Variants in PPP1R9A observed in about 807,000 individuals in gnomAD.
The protein encoded by PPP1R9A is protein phosphatase 1 regulatory subunit 9A, also known as neurabin-1.
PPP1R9A carries 59 observed loss-of-function variants against 141.9 expected under a neutral mutation model. The ratio of observed to expected loss-of-function variants is 0.42; its 90% CI spans 0.34 to 0.52. The LOEUF is 0.52. Ranked by LOEUF, PPP1R9A falls within the 20% of genes least tolerant of loss-of-function variation. The pLI is 0.10. For synonymous variants in PPP1R9A, 500 were observed against 569.7 expected, an observed-to-expected ratio of 0.88 and a Z score of 1.74; for missense variants, 1,444 against 1,611.9, an observed-to-expected ratio of 0.90 and a Z score of 1.78.
At chr7:94,907,827 T>A (rs949203999) in intron 1 of PPP1R9A, 125 bp downstream of exon 1, 2 of 150,200 alleles carry the variant, frequency 1.3e-5, no homozygotes, top group Admixed American at 1.3e-4. Context: ...CCGGCACCCC[T>A]GGCCCCAGGC....
At chr7:94,949,531 T>C (rs928638950) in intron 2 of PPP1R9A, among the ~76,000 whole-genome samples, 1 of 152,086 alleles carries the variant, frequency 6.6e-6, no homozygotes, top group Non-Finnish European at 1.5e-5. Context: ...AAAATGGGAT[T>C]TACCCAAAAT....
chr7:95,177,468 CA>C (rs1418298759), intron 5 of PPP1R9A, among the ~76,000 whole-genome samples: 19 of 151,662 alleles, frequency 1.3e-4, no homozygotes, highest in Non-Finnish European at 4.4e-5. Context: ...AGTTAACAAA[CA>C]AACAAAAACC....
chr7:95,022,936 T>G (rs1448746048), intron 2 of PPP1R9A, among the ~76,000 whole-genome samples: 3 of 152,174 alleles, frequency 2.0e-5, no homozygotes, highest in Non-Finnish European at 4.4e-5. Context: ...TGGCCTGAAA[T>G]TTTCTTTTTT....
intron 7 of PPP1R9A, among the ~76,000 whole-genome samples, chr7:95,206,042 T>C (rs1790724402): frequency 6.6e-6 from 1 of 152,236 alleles, no homozygotes; most frequent in Non-Finnish European, 1.5e-5. Flanking sequence ...TGACTCACAG[T>C]AACATGCCTT....
chr7:95,261,607 C>T (rs1800441908), intron 12 of PPP1R9A, among the ~76,000 whole-genome samples: 1 of 151,952 alleles, frequency 6.6e-6, no homozygotes, highest in South Asian at 2.1e-4. Flanking sequence ...GTGACATTAT[C>T]AAAAACCTAA....
intron 2 of PPP1R9A, among the ~76,000 whole-genome samples, chr7:95,070,259 T>A (rs151222888): frequency 9.2e-5 from 14 of 152,214 alleles, no homozygotes; most frequent in Non-Finnish European, 1.2e-4. Context: ...GTAAGCCTGC[T>A]TTCTTTCCCT....
chr7:95,053,697 GTT>G (rs1233965077), intron 2 of PPP1R9A, among the ~76,000 whole-genome samples: 1 of 152,170 alleles, frequency 6.6e-6, no homozygotes, highest in East Asian at 1.9e-4. Context: ...TACAGAATCT[GTT>G]TGTGAGGCAC....
chr7:95,234,451 C>T (rs545723097), intron 8 of PPP1R9A, among the ~76,000 whole-genome samples: 2 of 152,194 alleles, frequency 1.3e-5, no homozygotes, highest in African/African-American at 4.8e-5. Flanking sequence ...AAATAAAATA[C>T]TTAGGAATAT....
chr7:95,125,457 T>C (rs1444187227), intron 4 of PPP1R9A, among the ~76,000 whole-genome samples: 1 of 152,218 alleles, frequency 6.6e-6, no homozygotes, highest in African/African-American at 2.4e-5. Context: ...TTAGTTTTTG[T>C]TGTCATAAAT....
At chr7:95,142,102 G>C (rs1051933799) in intron 4 of PPP1R9A, among the ~76,000 whole-genome samples, 2 of 151,880 alleles carry the variant, frequency 1.3e-5, no homozygotes, top group African/African-American at 4.8e-5. Context: ...GCATTTCCCT[G>C]GTGGCTAATG....
chr7:95,189,507 G>T (rs1247963494), intron 5 of PPP1R9A, among the ~76,000 whole-genome samples: 1 of 144,934 alleles, frequency 6.9e-6, no homozygotes, highest in African/African-American at 2.6e-5. Context: ...CGGGATCTCG[G>T]CTCACTGCAA....
At chr7:95,026,981 A>G (rs563278030) in intron 2 of PPP1R9A, among the ~76,000 whole-genome samples, 21 of 152,224 alleles carry the variant, frequency 1.4e-4, no homozygotes, top group African/African-American at 5.1e-4. Context: ...CTGTGCTGGT[A>G]GTGAGAATTT....
intron 2 of PPP1R9A, among the ~76,000 whole-genome samples, chr7:95,033,342 A>C (rs1275797034): frequency 6.6e-6 from 1 of 151,792 alleles, no homozygotes; most frequent in Non-Finnish European, 1.5e-5. Context: ...TATGTGTTCA[A>C]GTCCTTTGTC....
chr7:95,189,468 G>A (rs1585157683), intron 5 of PPP1R9A, among the ~76,000 whole-genome samples: 1 of 125,366 alleles, frequency 8.0e-6, no homozygotes, highest in Non-Finnish European at 1.6e-5. Context: ...ACGGAGTCTC[G>A]CTCTGTCGCC....
In PPP1R9A at chr7:95,094,226, T is replaced by C. The variant is rs114678236; in HGVS notation, c.1396-17033T>C. Among the ~76,000 whole-genome samples, 827 of 152,278 alleles carry C rather than the reference T, an allele frequency of 5.4e-3. 8 individuals are homozygous for C. The highest frequency in any genetic ancestry group is 0.019 in the African/African-American group (773 of 41,554). ...GCTGGAGCCAGATCTTAGAAGACTT[T>C]GGATGTCTTTCTGCATGTTTGAACT... On this transcript the variant is annotated intron_variant, in intron 2 of 19. Transcript: ENST00000433360.
chr7:95,247,233 C>A (rs1020958700), intron 8 of PPP1R9A, among the ~76,000 whole-genome samples: 1 of 152,166 alleles, frequency 6.6e-6, no homozygotes, highest in South Asian at 2.1e-4. Context: ...TTCTCTTGGT[C>A]CCTGAGCAAT....
chr7:95,182,374 T>A (rs1166500933), intron 5 of PPP1R9A, among the ~76,000 whole-genome samples: 1 of 151,562 alleles, frequency 6.6e-6, no homozygotes, highest in East Asian at 1.9e-4. Context: ...GACACATGAG[T>A]TTTTTAATAG....
chr7:95,222,901 T>C (rs1042995290), intron 7 of PPP1R9A, among the ~76,000 whole-genome samples: 2 of 152,050 alleles, frequency 1.3e-5, no homozygotes, highest in Non-Finnish European at 2.9e-5. Context: ...CCATTTTCAA[T>C]AAAGATAAAA....
At chr7:95,076,265 T>G (rs1814842199) in intron 2 of PPP1R9A, among the ~76,000 whole-genome samples, 2 of 152,152 alleles carry the variant, frequency 1.3e-5, no homozygotes, top group Non-Finnish European at 2.9e-5. Flanking sequence ...TTAAACACAG[T>G]TCTTAGTCTA....
Sources: gnomAD v4.1 joint callset for allele counts (sites outside exome capture counted in the v4.1 genomes callset) on GRCh38, gnomAD v4.1.1 for gene constraint, MANE v1.5 for transcripts, NCBI Gene and HGNC (gene_info 2026-07-23, HGNC 2026-07-21) for gene names.